The following POC1B variants were observed in gnomAD, a reference collection of about 807,000 sequenced individuals.
POC1B encodes the protein POC1 centriolar protein B, also known as POC1 centriolar protein homolog B.
Under a neutral mutation model 60.6 loss-of-function variants are expected in POC1B, and 44 were observed. The observed-to-expected ratio is 0.73, with a 90% CI of 0.57 to 0.93. The LOEUF (loss-of-function observed/expected upper bound fraction) is 0.93. Ranked by LOEUF, POC1B falls within the 40% of genes least tolerant of loss-of-function variation. The pLI is 0.00. For missense variants in POC1B, 555 were observed against 572.3 expected (o/e 0.97, Z 0.31); for synonymous variants, 180 against 198.9 (o/e 0.90, Z 0.80).
At chr12:89,414,362 C>T in the POC1B span, among the ~76,000 whole-genome samples, 1 of 152,210 alleles carries the variant, frequency 6.6e-6, no homozygotes. Context: ...GAAAATGCAA[C>T]TAATGTACCT....
At chr12:89,506,309 A>C (rs1869892534) in intron 2 of POC1B, among the ~76,000 whole-genome samples, 1 of 152,272 alleles carries the variant, frequency 6.6e-6, no homozygotes, top group Non-Finnish European at 1.5e-5. Context: ...AGGTGTTAAA[A>C]GTATTAAAGG....
chr12:89,481,126 G>T (rs1321866019), intron 4 of POC1B, among the ~76,000 whole-genome samples: 2 of 150,386 alleles, frequency 1.3e-5, no homozygotes, highest in East Asian at 3.9e-4. Context: ...CACCCGCCTC[G>T]GCCTCCCAAA....
chr12:89,425,121 T>C (rs1345407843), intron 11 of POC1B, 40 bp downstream of exon 11: 2 of 1,593,632 alleles, frequency 1.3e-6, no homozygotes, highest in East Asian at 2.2e-5. Context: ...TTGTGTATTT[T>C]ACCCCCAAGT....
intron 10 of POC1B, among the ~76,000 whole-genome samples, chr12:89,436,445 G>T (rs1053053834): frequency 6.6e-6 from 1 of 152,148 alleles, no homozygotes; most frequent in African/African-American, 2.4e-5. Context: ...TGGGCACAAT[G>T]GCTCATGCCT....
In POC1B at chr12:89,481,195, T is replaced by G. The variant is rs187257792; in HGVS notation, c.453-8920A>C. Among the ~76,000 whole-genome samples the G allele has an allele frequency of 2.4e-4, 36 of 152,354 alleles. No individual in the cohort carries two copies. In the East Asian group the frequency reaches 6.9e-3, roughly 29 times the overall value. ...TAATTGTTTTCTTGTCAATTTTCCT[T>G]GGCTATTCTTGCACATTTATCACAT... On this transcript the variant is annotated intron_variant, in intron 4 of 11. Transcript: ENST00000313546.
At chr12:89,421,721 G>A (rs1565890150) in intron 11 of POC1B, among the ~76,000 whole-genome samples, 1 of 152,120 alleles carries the variant, frequency 6.6e-6, no homozygotes, top group Non-Finnish European at 1.5e-5. Context: ...CACTGCAGAT[G>A]GATGGCTAGA....
intron 4 of POC1B, among the ~76,000 whole-genome samples, chr12:89,483,552 G>A (rs1425779905): frequency 6.6e-6 from 1 of 152,094 alleles, no homozygotes; most frequent in Non-Finnish European, 1.5e-5. Flanking sequence ...CATTCATGAA[G>A]GGTGTGCTTC....
At chr12:89,501,075 G>A (rs2135747174) in intron 2 of POC1B, 13 of 1,129,358 alleles carry the variant, frequency 1.2e-5, no homozygotes, top group East Asian at 7.2e-5. Flanking sequence ...CAAGAAAGGC[G>A]GGGCCTCTGA....
chr12:89,524,924 G>C (rs1172221627), intron 2 of POC1B, 196 bp downstream of exon 2: 1 of 874,324 alleles, frequency 1.1e-6, no homozygotes, highest in East Asian at 2.7e-5. Flanking sequence ...CTCTTGGCCG[G>C]GCCGGGGGCT....
At chr12:89,411,481 C>G in the POC1B span, among the ~76,000 whole-genome samples, 7 of 152,180 alleles carry the variant, frequency 4.6e-5, no homozygotes, top group Non-Finnish European at 8.8e-5. Context: ...TAAGTTTGTA[C>G]TGGATTGGAA....
chr12:89,424,691 TTTTTC>T (rs1880683042), intron 11 of POC1B, among the ~76,000 whole-genome samples: 1 of 152,196 alleles, frequency 6.6e-6, no homozygotes, highest in African/African-American at 2.4e-5. Flanking sequence ...ATGCATTGTA[TTTTTC>T]TTTGCAAAGG....
chr12:89,435,862 AAT>A (rs1162867832), intron 10 of POC1B, among the ~76,000 whole-genome samples: 2 of 152,134 alleles, frequency 1.3e-5, no homozygotes, highest in African/African-American at 4.8e-5. Context: ...GAATTATGAT[AAT>A]ATATCTTTTC....
intron 10 of POC1B, among the ~76,000 whole-genome samples, chr12:89,456,915 A>G (rs1882284649): frequency 6.6e-6 from 1 of 152,252 alleles, no homozygotes; most frequent in Non-Finnish European, 1.5e-5. Flanking sequence ...TTCTTACACC[A>G]TAACAAACTT....
At chr12:89,426,772 C>T (rs1342480030) in intron 10 of POC1B, 2 of 149,470 alleles carry the variant, frequency 1.3e-5, no homozygotes, top group Non-Finnish European at 3.0e-5. Context: ...TGCAGTGAGC[C>T]AAGATCACGC....
chr12:89,524,942 G>A, intron 2 of POC1B, 178 bp downstream of exon 2: 3 of 998,510 alleles, frequency 3.0e-6, no homozygotes, highest in South Asian at 3.3e-5. Context: ...GCTGGGGGCC[G>A]GGATGGCAGA....
chr12:89,505,433 A>G (rs1869845545), intron 2 of POC1B, among the ~76,000 whole-genome samples: 1 of 152,262 alleles, frequency 6.6e-6, no homozygotes. Flanking sequence ...TCCAAGTAAA[A>G]TGAATACATA....
At chr12:89,422,433 A>C (rs1196726076) in intron 11 of POC1B, among the ~76,000 whole-genome samples, 1 of 152,152 alleles carries the variant, frequency 6.6e-6, no homozygotes, top group South Asian at 2.1e-4. Flanking sequence ...TGATAAGCTC[A>C]GGCCATCTGT....
At chr12:89,503,121 GGTCTCCCTCTCCCTCTCTTTCCACA>G (rs1470261969) in intron 2 of POC1B, among the ~76,000 whole-genome samples, 2 of 118,600 alleles carry the variant, frequency 1.7e-5, no homozygotes, top group Admixed American at 8.5e-5. Flanking sequence ...CTCTCCCCAC[GGTCTCCCTCTCCCTCTCTTTCCACA>G]GTCTCCCTCT....
intron 10 of POC1B, among the ~76,000 whole-genome samples, chr12:89,459,238 A>G (rs2120801533): frequency 6.6e-6 from 1 of 152,042 alleles, no homozygotes; most frequent in Non-Finnish European, 1.5e-5. Context: ...GAAGGGGAAC[A>G]TCACACACCA....
Sources: allele counts gnomAD v4.1 joint callset (sites outside exome capture counted in the v4.1 genomes callset), GRCh38; gene constraint gnomAD v4.1.1; transcripts MANE v1.5; gene names NCBI Gene and HGNC (gene_info 2026-07-23, HGNC 2026-07-21).